Variants in AGGF1 observed in about 807,000 individuals in gnomAD.
The protein encoded by AGGF1 is angiogenic factor with G patch and FHA domains 1.
Under a neutral mutation model 86.5 loss-of-function variants are expected in AGGF1, and 56 were observed. The ratio of observed to expected loss-of-function variants is 0.65; its 90% confidence interval spans 0.52 to 0.81. The LOEUF is 0.81. Ranked by LOEUF, AGGF1 falls within the 30% of genes least tolerant of loss-of-function variation. The probability of loss-of-function intolerance (pLI) is 0.00; values close to 1 mark genes in which losing one functional copy is unlikely to be tolerated. For synonymous variants in AGGF1, 313 were observed against 297.1 expected, an observed-to-expected ratio of 1.05 and a Z score of -0.55; for missense variants, 816 against 850.9, an observed-to-expected ratio of 0.96 and a Z score of 0.51.
At chr5:77,053,827 G>A in intron 9 of AGGF1, 138 bp from the exon 10 acceptor site, 4 of 854,996 alleles carry the variant, frequency 4.7e-6, no homozygotes, top group Non-Finnish European at 7.4e-6. Flanking sequence ...GTGCATGTGT[G>A]TATGTGTATG....
At chr5:77,056,226 CTT>C (rs770417117) in intron 11 of AGGF1, among the ~76,000 whole-genome samples, 2 of 104,514 alleles carry the variant, frequency 1.9e-5, no homozygotes, top group African/African-American at 3.6e-5. Context: ...AAAGAGTGGT[CTT>C]TTTTTTTTTT....
chr5:77,041,535 G>A (rs1310429131), intron 5 of AGGF1, among the ~76,000 whole-genome samples: 1 of 142,280 alleles, frequency 7.0e-6, no homozygotes, highest in Admixed American at 7.4e-5. Flanking sequence ...CCACCACACT[G>A]CAGCCTGGGC....
intron 2 of AGGF1, 82 bp from the exon 3 acceptor site, chr5:77,035,459 A>C (rs1343551466): frequency 1.6e-5 from 17 of 1,039,246 alleles, no homozygotes; most frequent in Non-Finnish European, 2.4e-5. Context: ...TTTTGTGTTT[A>C]AATGCCAGTG....
At chr5:77,058,965 C>G (rs751933290) in intron 11 of AGGF1, among the ~76,000 whole-genome samples, 17 of 152,132 alleles carry the variant, frequency 1.1e-4, no homozygotes, top group Non-Finnish European at 2.5e-4. Context: ...ACTAATAAGT[C>G]ACTTAAATGG....
At position 77,054,065 on chromosome 5, in the gene AGGF1, G is replaced by T; in HGVS notation, c.1568G>T (p.Cys523Phe). ...SFHIHPGSDT[C>F]DGCEPGQVRA... Reference sequence around the variant, plus strand: ...CACATTCATCCTGGCAGTGATACCTGTGATGGCTGTGAACCAGGGCAGGTT... The same window carrying T: ...CACATTCATCCTGGCAGTGATACCTTTGATGGCTGTGAACCAGGGCAGGTT... Residue 523 changes from cysteine (C) to phenylalanine (F), a missense_variant, in exon 10 of 14, where the codon TGT becomes TTT. Physicochemically the swap from Cys to Phe is radical, Grantham distance 205. Coordinates refer to ENST00000312916, the MANE Select transcript of AGGF1 (RefSeq NM_018046.5). The T allele has an allele frequency of 1.2e-6, 2 of 1,614,122 alleles. No individual in the cohort carries two copies. The highest frequency in any genetic ancestry group is 1.1e-5 in the South Asian group (1 of 91,082).
intron 5 of AGGF1, among the ~76,000 whole-genome samples, chr5:77,045,297 T>C (rs1348652815): frequency 1.3e-5 from 2 of 152,228 alleles, no homozygotes; most frequent in East Asian, 1.9e-4. Context: ...TGTTGTATTA[T>C]TGCAAACTGC....
chr5:77,061,617 C>A, intron 12 of AGGF1, 86 bp from the exon 13 acceptor site: 1 of 1,330,784 alleles, frequency 7.5e-7, no homozygotes, highest in Non-Finnish European at 1.1e-6. Flanking sequence ...AGTAGTTGTA[C>A]CAATTACTTT....
chr5:77,044,842 A>G (rs1452727059), intron 5 of AGGF1, among the ~76,000 whole-genome samples: 1 of 152,100 alleles, frequency 6.6e-6, no homozygotes, highest in Non-Finnish European at 1.5e-5. Context: ...AGGTGGATGG[A>G]TCATGAGGTC....
At position 77,030,784 on chromosome 5, in the gene AGGF1, G is replaced by A. The variant is rs1227598652; in HGVS notation, c.18G>A (p.Pro6=). Residue 6 remains proline, a synonymous_variant, in exon 1 of 14, where the codon CCG becomes CCA. Coordinates refer to ENST00000312916, the MANE Select transcript of AGGF1 (RefSeq NM_018046.5). Reference sequence around the variant, plus strand: ...CGGAGCTCATGGCCTCGGAGGCGCCGTCCCCGCCGCGGTCGCCGCCGCCGC... The same window carrying A: ...CGGAGCTCATGGCCTCGGAGGCGCCATCCCCGCCGCGGTCGCCGCCGCCGC... MASEA[P]SPPRSPPPPT... The A allele has an allele frequency of 2.8e-5, 44 of 1,584,416 alleles. No individual in the cohort carries two copies. Among genetic ancestry groups the A allele is most frequent in the Non-Finnish European group, 3.7e-5 (43 of 1,170,502 alleles).
chr5:77,033,496 G>A (rs1746909726), intron 1 of AGGF1, among the ~76,000 whole-genome samples: 1 of 152,142 alleles, frequency 6.6e-6, no homozygotes, highest in Admixed American at 6.5e-5. Context: ...AAGGCAATCA[G>A]GCTCCTAGGG....
chr5:77,039,884 A>T (rs1747038052), intron 5 of AGGF1, among the ~76,000 whole-genome samples, 165 bp downstream of exon 5: 1 of 152,120 alleles, frequency 6.6e-6, no homozygotes, highest in Non-Finnish European at 1.5e-5. Flanking sequence ...TTTTTCATAA[A>T]CTCTGTCACT....
At chr5:77,032,252 TAAAAAAAAAA>T (rs35068401) in intron 1 of AGGF1, among the ~76,000 whole-genome samples, 7 of 107,880 alleles carry the variant, frequency 6.5e-5, no homozygotes, top group Non-Finnish European at 1.1e-4. Flanking sequence ...ACAAATATGG[TAAAAAAAAAA>T]AAAAAAAAAA....
rs1747032927 is a variant in AGGF1 at position 77,039,683 on chromosome 5, A to C, written c.834A>C (p.Arg278Ser). Reference protein sequence around the residue: ...QSKDKKLKKKRKDPDSSATNE... With the variant: ...QSKDKKLKKKSKDPDSSATNE... The stretch of plus-strand genomic sequence containing the variant: ...AAGATAAAAAATTGAAGAAGAAAAG[A>C]AAAGATCCAGATTCTTCTGCAACAA... Residue 278 changes from arginine to serine, a missense_variant, in exon 5 of 14, where the codon AGA becomes AGC. Transcript: ENST00000312916. 2 of 1,612,220 alleles carry C rather than the reference A, an allele frequency of 1.2e-6. No homozygotes were observed. Among genetic ancestry groups the C allele is most frequent in the African/African-American group, 2.7e-5 (2 of 74,842 alleles).
chr5:77,043,639 A>C (rs1227721962), intron 5 of AGGF1, among the ~76,000 whole-genome samples: 98 of 40,120 alleles, frequency 2.4e-3, no homozygotes, highest in African/African-American at 2.9e-3. Flanking sequence ...CTGACCCCCC[A>C]CCTCCCTCCC....
chr5:77,052,381 CA>C (rs939260608), intron 8 of AGGF1, among the ~76,000 whole-genome samples: 62 of 137,188 alleles, frequency 4.5e-4, no homozygotes, highest in East Asian at 4.2e-4. Flanking sequence ...TGATATGGAC[CA>C]AAAAAAAAAA....
At chr5:77,038,523 G>A (rs571610716) in intron 4 of AGGF1, among the ~76,000 whole-genome samples, 1 of 152,144 alleles carries the variant, frequency 6.6e-6, no homozygotes, top group East Asian at 1.9e-4. Flanking sequence ...TAAAAGGTTT[G>A]AATTATAAAA....
At chr5:77,053,890 C>T (rs1030240401) in intron 9 of AGGF1, 75 bp from the exon 10 acceptor site, 2 of 1,399,002 alleles carry the variant, frequency 1.4e-6, no homozygotes, top group African/African-American at 1.4e-5. Flanking sequence ...TATAATCAGA[C>T]ATTACTTACA....
At chr5:77,055,619 C>T (rs772404525) in intron 11 of AGGF1, 23 bp downstream of exon 11, 2 of 1,503,802 alleles carry the variant, frequency 1.3e-6, no homozygotes, top group East Asian at 4.5e-5. Context: ...AATATTGTTT[C>T]ATTTGTTAAG....
At chr5:77,043,385 G>A (rs1167798213) in intron 5 of AGGF1, among the ~76,000 whole-genome samples, 5 of 62,660 alleles carry the variant, frequency 8.0e-5, no homozygotes, top group African/African-American at 1.3e-4. Context: ...CCTCCCGGAC[G>A]GGGCGGCTGG....
Sources: gnomAD v4.1 joint callset for allele counts (sites outside exome capture counted in the v4.1 genomes callset) on GRCh38, gnomAD v4.1.1 for gene constraint, MANE v1.5 for transcripts, NCBI Gene and HGNC (gene_info 2026-07-23, HGNC 2026-07-21) for gene names.